Variants in TLE1 observed in about 807,000 individuals in gnomAD.
The protein encoded by TLE1 is TLE family member 1, transcriptional corepressor, also known as transducin-like enhancer protein 1.
Under a neutral mutation model 89.8 loss-of-function variants are expected in TLE1, and 21 were observed. That is an observed-to-expected ratio of 0.23 (90% CI 0.17 to 0.34). The LOEUF is 0.34. TLE1 is among the 10% of genes least tolerant of loss of function. The pLI is 1.00. For missense variants in TLE1, 795 were observed against 1,031.2 expected (o/e 0.77, Z 3.14); for synonymous variants, 447 against 407.6 (o/e 1.10, Z -1.16).
At chr9:81,612,391 A>G (rs1472933588) in intron 12 of TLE1, 1 of 987,808 alleles carries the variant, frequency 1.0e-6, no homozygotes, top group Non-Finnish European at 1.2e-6. Context: ...TGAAAATCCA[A>G]TCCTGGATTT....
intron 8 of TLE1, among the ~76,000 whole-genome samples, chr9:81,623,697 C>G (rs1041027230): frequency 1.3e-5 from 2 of 150,150 alleles, no homozygotes; most frequent in Non-Finnish European, 3.0e-5. Context: ...GGCTGCAGCA[C>G]AAGAATCACT....
chr9:81,669,857 G>A (rs1172682231), intron 4 of TLE1, among the ~76,000 whole-genome samples: 1 of 152,100 alleles, frequency 6.6e-6, no homozygotes, highest in African/African-American at 2.4e-5. Flanking sequence ...TTGCTGGTTT[G>A]GCCGAGCGAC....
intron 14 of TLE1, among the ~76,000 whole-genome samples, chr9:81,594,278 C>A (rs868008671): frequency 1.3e-5 from 2 of 152,078 alleles, no homozygotes; most frequent in Non-Finnish European, 2.9e-5. Flanking sequence ...TTGGAACCAA[C>A]CCAAATGCCC....
intron 4 of TLE1, among the ~76,000 whole-genome samples, chr9:81,673,620 T>TC (rs920794040): frequency 2.0e-5 from 3 of 152,044 alleles, no homozygotes; most frequent in Non-Finnish European, 4.4e-5. Flanking sequence ...GCTACTGTCA[T>TC]CCCCTAATCC....
At chr9:81,584,900 G>A (rs1381183153) in intron 18 of TLE1, among the ~76,000 whole-genome samples, 1 of 152,014 alleles carries the variant, frequency 6.6e-6, no homozygotes, top group Admixed American at 6.6e-5. Context: ...TCCAACTTAA[G>A]TAAAATGCCA....
chr9:81,665,840 G>T (rs1269072299), intron 4 of TLE1, among the ~76,000 whole-genome samples: 1 of 145,460 alleles, frequency 6.9e-6, no homozygotes, highest in Non-Finnish European at 1.5e-5. Context: ...AGCTTGCCAG[G>T]CCCCACTTGA....
intron 4 of TLE1, among the ~76,000 whole-genome samples, chr9:81,673,327 C>A: frequency 7.2e-6 from 1 of 139,440 alleles, no homozygotes; most frequent in African/African-American, 2.6e-5. Flanking sequence ...TTTTTTTTCT[C>A]CTTTTAAGCC....
chr9:81,660,449 T>C (rs1036101681), intron 4 of TLE1, among the ~76,000 whole-genome samples: 2 of 152,006 alleles, frequency 1.3e-5, no homozygotes, highest in African/African-American at 2.4e-5. Context: ...AGTCTCGTTC[T>C]GTCGCCCAAG....
intron 9 of TLE1, among the ~76,000 whole-genome samples, chr9:81,617,924 C>T (rs1824756962): frequency 6.6e-6 from 1 of 152,106 alleles, no homozygotes; most frequent in African/African-American, 2.4e-5. Flanking sequence ...ACTCCGGAGG[C>T]TGAGGCAGGA....
At chr9:81,686,611 T>C (rs748321881) in intron 2 of TLE1, among the ~76,000 whole-genome samples, 14 of 152,342 alleles carry the variant, frequency 9.2e-5, no homozygotes, top group Admixed American at 3.9e-4. Context: ...CAGTTATTTC[T>C]GAGTTAGAAT....
intron 4 of TLE1, among the ~76,000 whole-genome samples, chr9:81,681,164 CAT>C (rs1373852913): frequency 1.3e-5 from 2 of 152,242 alleles, no homozygotes; most frequent in East Asian, 3.9e-4. Flanking sequence ...TGAAATATCA[CAT>C]GGAGCTCTTT....
At chr9:81,584,970 CCATCCATCCAT>C (rs1564097866) in intron 18 of TLE1, among the ~76,000 whole-genome samples, 5 of 148,454 alleles carry the variant, frequency 3.4e-5, no homozygotes, top group Non-Finnish European at 7.4e-5. Flanking sequence ...ATCCACCCAT[CCATCCATCCAT>C]CCATCCATCC....
chr9:81,594,926 A>C (rs762176197), intron 14 of TLE1, among the ~76,000 whole-genome samples: 3 of 152,220 alleles, frequency 2.0e-5, no homozygotes, highest in Non-Finnish European at 4.4e-5. Flanking sequence ...TAAAAGCAAA[A>C]TATCAGACAC....
At position 81,660,353 on chromosome 9, in the gene TLE1, A is replaced by C. The variant is rs563146256; in HGVS notation, c.235-6317T>G. Among the ~76,000 whole-genome samples the C allele has an allele frequency of 4.6e-5, 7 of 152,142 alleles. No individual in the cohort carries two copies. In the East Asian group the frequency reaches 1.4e-3, roughly 29 times the overall value. The stretch of plus-strand genomic sequence containing the variant: ...CAAAGGCTGTTCACAAAAAAAAAAA[A>C]ACAAAATCATACGTTGGTAAGTATA... On this transcript the variant is annotated intron_variant, in intron 4 of 19. Coordinates refer to ENST00000376499, the MANE Select transcript of TLE1 (RefSeq NM_005077.5).
chr9:81,640,213 A>T (rs1430615887), intron 6 of TLE1, among the ~76,000 whole-genome samples: 1 of 152,178 alleles, frequency 6.6e-6, no homozygotes, highest in Admixed American at 6.6e-5. Context: ...ATTCTGTGCC[A>T]TTAATTAGAA....
At chr9:81,653,914 C>A in intron 5 of TLE1, 60 bp downstream of exon 5, 1 of 1,482,486 alleles carries the variant, frequency 6.7e-7, no homozygotes, top group Non-Finnish European at 9.4e-7. Flanking sequence ...TTAAAACTAG[C>A]TAATTTGCAA....
intron 14 of TLE1, among the ~76,000 whole-genome samples, chr9:81,607,844 C>T (rs926557707): frequency 2.6e-5 from 4 of 152,218 alleles, no homozygotes; most frequent in African/African-American, 7.2e-5. Flanking sequence ...AATACTACCC[C>T]TGACTCCCTT....
chr9:81,667,718 C>T (rs959313296), intron 4 of TLE1, among the ~76,000 whole-genome samples: 2 of 105,542 alleles, frequency 1.9e-5, no homozygotes, highest in African/African-American at 4.5e-5. Context: ...TATTCCTGCT[C>T]CCCCCCAAGC....
intron 4 of TLE1, among the ~76,000 whole-genome samples, chr9:81,677,243 C>CA (rs1011696004): frequency 2.1e-5 from 3 of 145,364 alleles, no homozygotes; most frequent in Non-Finnish European, 4.5e-5. Flanking sequence ...TCTTCCCCCC[C>CA]CCAAAAAAAA....
Sources: gnomAD v4.1 joint callset for allele counts (sites outside exome capture counted in the v4.1 genomes callset) on GRCh38, gnomAD v4.1.1 for gene constraint, MANE v1.5 for transcripts, NCBI Gene and HGNC (gene_info 2026-07-23, HGNC 2026-07-21) for gene names.